Variants in PCID2 observed in about 807,000 individuals in gnomAD.
PCID2 encodes PCI domain-containing protein 2.
PCID2 carries 41 observed loss-of-function variants against 61.3 expected under a neutral mutation model. The observed-to-expected ratio is 0.67, with a 90% CI of 0.52 to 0.87. PCID2 has a LOEUF of 0.87. Ranked by LOEUF, PCID2 falls within the 40% of genes least tolerant of loss-of-function variation. The probability of loss-of-function intolerance (pLI) is 0.00; values close to 1 mark genes in which losing one functional copy is unlikely to be tolerated. For synonymous variants in PCID2, 187 were observed against 177.8 expected, an observed-to-expected ratio of 1.05 and a Z score of -0.41; for missense variants, 392 against 493.4, an observed-to-expected ratio of 0.79 and a Z score of 1.95.
At position 113,182,244 on chromosome 13, in the gene PCID2, T is replaced by C. The variant is rs116046171; in HGVS notation, c.686-1014A>G. Among the ~76,000 whole-genome samples the C allele has an allele frequency of 7.2e-3, 1,100 of 152,248 alleles. 18 individuals carry two copies. The highest frequency in any genetic ancestry group is 0.025 in the African/African-American group (1,029 of 41,530). ...ACACACTGCCTCTGCTCCTAAACTA[T>C]GTGGCCACATTGGCACAAAAAACAT... On this transcript the variant is annotated intron_variant, in intron 9 of 13. Transcript: ENST00000337344.
intron 8 of PCID2, 150 bp downstream of exon 8, chr13:113,185,335 T>C (rs1250859270): frequency 4.8e-6 from 3 of 627,052 alleles, no homozygotes; most frequent in Non-Finnish European, 8.7e-6. Flanking sequence ...CTAGTAGGCA[T>C]TCAACAAATG....
chr13:113,180,416 T>TA (rs1330913200), intron 10 of PCID2, among the ~76,000 whole-genome samples, 185 bp from the exon 11 acceptor site: 1 of 152,236 alleles, frequency 6.6e-6, no homozygotes, highest in Non-Finnish European at 1.5e-5. Flanking sequence ...AACACCTGGG[T>TA]ACAACACACT....
downstream of PCID2, among the ~76,000 whole-genome samples, chr13:113,177,220 C>T (rs562992896): frequency 2.0e-5 from 3 of 152,336 alleles, no homozygotes; most frequent in Non-Finnish European, 4.4e-5. Context: ...TCACTGCAAC[C>T]TTTGCCTCCC....
chr13:113,205,331 G>A (rs573036798), intron 1 of PCID2, among the ~76,000 whole-genome samples: 4 of 152,232 alleles, frequency 2.6e-5, no homozygotes, highest in East Asian at 1.9e-4. Context: ...ATACCACTCC[G>A]CACCCAGCAG....
At chr13:113,182,513 T>C (rs2037734083) in intron 9 of PCID2, among the ~76,000 whole-genome samples, 1 of 152,188 alleles carries the variant, frequency 6.6e-6, no homozygotes, top group Non-Finnish European at 1.5e-5. Flanking sequence ...TTTCTTTTTC[T>C]TTTTTGAGAT....
At chr13:113,196,056 C>T (rs1462220831) in intron 5 of PCID2, 125 bp downstream of exon 5, 4 of 711,116 alleles carry the variant, frequency 5.6e-6, no homozygotes, top group Admixed American at 3.8e-5. Flanking sequence ...TACCATATGT[C>T]AACACACTGA....
the PCID2 span, chr13:113,165,234 G>A: frequency 9.1e-7 from 1 of 1,104,844 alleles, no homozygotes; most frequent in Admixed American, 2.0e-5. Flanking sequence ...GACTTTGATG[G>A]GCTACTGACT....
intron 3 of PCID2, among the ~76,000 whole-genome samples, chr13:113,197,758 T>C (rs771571187): frequency 9.9e-5 from 15 of 152,158 alleles, no homozygotes; most frequent in Non-Finnish European, 2.9e-5. Flanking sequence ...AGTAATCAAA[T>C]CTCACATGGC....
chr13:113,205,233 A>C (rs1424052712), intron 1 of PCID2, among the ~76,000 whole-genome samples: 1 of 152,210 alleles, frequency 6.6e-6, no homozygotes, highest in Non-Finnish European at 1.5e-5. Context: ...TGTTCACTAC[A>C]CCTGTAAAAA....
the PCID2 span, among the ~76,000 whole-genome samples, chr13:113,169,528 T>A: frequency 2.0e-5 from 3 of 152,258 alleles, no homozygotes; most frequent in Admixed American, 6.5e-5. Flanking sequence ...TTTTGTGCTC[T>A]ATACATACAC....
At chr13:113,178,538 T>C (rs915803436) in intron 13 of PCID2, 3 of 434,676 alleles carry the variant, frequency 6.9e-6, no homozygotes, top group Non-Finnish European at 1.3e-5. Flanking sequence ...AATGAACACG[T>C]ACAGACGCTC....
chr13:113,175,657 A>G (rs111573284), downstream of PCID2, among the ~76,000 whole-genome samples: 6 of 152,306 alleles, frequency 3.9e-5, 1 homozygote, highest in African/African-American at 1.4e-4. Flanking sequence ...GGCACTTGTC[A>G]CGACTGCCAG....
At chr13:113,197,636 C>T (rs2039117261) in intron 3 of PCID2, among the ~76,000 whole-genome samples, 1 of 152,202 alleles carries the variant, frequency 6.6e-6, no homozygotes, top group African/African-American at 2.4e-5. Context: ...GTGCTTTGTA[C>T]TACAAGGAAC....
the PCID2 span, among the ~76,000 whole-genome samples, chr13:113,168,670 TG>T: frequency 6.6e-6 from 1 of 152,250 alleles, no homozygotes; most frequent in South Asian, 2.1e-4. Context: ...ACATAGGGTT[TG>T]TTGAGATTCT....
intron 9 of PCID2, 65 bp from the exon 10 acceptor site, chr13:113,181,295 C>T: frequency 1.1e-6 from 1 of 931,254 alleles, no homozygotes; most frequent in African/African-American, 1.6e-5. Flanking sequence ...CTTCCTGCTC[C>T]ATTTTCTACC....
chr13:113,173,413 G>T (rs2037147082), downstream of PCID2, among the ~76,000 whole-genome samples: 1 of 152,196 alleles, frequency 6.6e-6, no homozygotes, highest in South Asian at 2.1e-4. Flanking sequence ...GGGCACAGCT[G>T]CTTCTCCACC....
chr13:113,202,098 T>C (rs2039477466), intron 1 of PCID2, among the ~76,000 whole-genome samples: 1 of 152,178 alleles, frequency 6.6e-6, no homozygotes, highest in African/African-American at 2.4e-5. Flanking sequence ...ACATTGGTGA[T>C]GGGGTAACTT....
chr13:113,185,862 C>T (rs897076549), intron 7 of PCID2: 2 of 263,286 alleles, frequency 7.6e-6, no homozygotes, highest in Non-Finnish European at 1.4e-5. Flanking sequence ...AGCAACAATG[C>T]GTAAAAGTTA....
rs1013514320 is a variant in PCID2 at position 113,195,117 on chromosome 13, G to A, written c.317C>T (p.Pro106Leu). ...QAHKEENWALPVMYAVALDLR... is the reference protein window; with the variant it reads ...QAHKEENWALLVMYAVALDLR... ...GTCAAGCGCTACTGCATACATGACA[G>A]GCAGAGCCCTGCAGGGCAAAAAAGT... is the stretch of plus-strand genomic sequence containing the variant. Residue 106 changes from proline (P) to leucine (L), a missense_variant, in exon 6 of 14, where the codon CCT becomes CTT. Transcript: ENST00000337344. The A allele has an allele frequency of 6.2e-7, 1 of 1,609,604 alleles. No homozygotes were observed. Among genetic ancestry groups the A allele is most frequent in the Non-Finnish European group, 8.5e-7 (1 of 1,175,786 alleles).
Sources: gnomAD v4.1 joint callset for allele counts (sites outside exome capture counted in the v4.1 genomes callset) on GRCh38, gnomAD v4.1.1 for gene constraint, MANE v1.5 for transcripts, NCBI Gene and HGNC (gene_info 2026-07-23, HGNC 2026-07-21) for gene names.